Variants in PRKX observed in about 807,000 individuals in gnomAD.
The protein encoded by PRKX is protein kinase cAMP-dependent X-linked catalytic subunit.
In PRKX, 12 loss-of-function variants were observed where a neutral mutation model predicts 22.0. The ratio of observed to expected loss-of-function variants is 0.54; its 90% CI spans 0.35 to 0.88. PRKX has a LOEUF of 0.88. Among genes scored for constraint, PRKX ranks in the 40% least tolerant of loss-of-function variants. The pLI is 0.01. For missense variants in PRKX, 217 were observed against 308.0 expected (o/e 0.70, Z 2.21); for synonymous variants, 134 against 137.7 (o/e 0.97, Z 0.19).
intron 8 of PRKX, among the ~76,000 whole-genome samples, chrX:3,610,408 G>A (rs1926269733): frequency 1.8e-5 from 2 of 111,173 alleles, no homozygotes; most frequent in Middle Eastern, 4.6e-3. Flanking sequence ...CTTGAACCCA[G>A]GAGGCGGAGG....
intron 2 of PRKX, among the ~76,000 whole-genome samples, chrX:3,662,298 C>T (rs367956873): frequency 4.5e-5 from 5 of 111,046 alleles, no homozygotes; most frequent in Admixed American, 1.9e-4. Context: ...CGGTGGCTCA[C>T]GTCTGTAATT....
chrX:3,631,086 T>G lies in PRKX; in HGVS notation c.720-4572A>C, dbSNP rs192153688. ...GGAAATACCTTATAAAACGGAGCTT[T>G]CAAATGACACCCTCATTGATTATCA... On this transcript the variant is annotated intron_variant, in intron 4 of 8. Transcript: ENST00000262848. Among the ~76,000 whole-genome samples, 13 of 112,347 alleles carry G rather than the reference T, an allele frequency of 1.2e-4. No individual in the cohort carries two copies. In the South Asian group the frequency reaches 2.2e-3, roughly 19 times the overall value.
chrX:3,671,259 T>C (rs1332024292), intron 2 of PRKX, among the ~76,000 whole-genome samples: 1 of 110,495 alleles, frequency 9.1e-6, no homozygotes. Context: ...TAGAATTTTC[T>C]TTTTAATTTT....
rs767427348 is a variant in PRKX, at chrX:3,653,679, A to T, written c.599+1470T>A. ...TATAATATACTATGTGATATATATAATATATATAATATACTATGTGATATA... is the reference window on the plus strand; with the variant it reads ...TATAATATACTATGTGATATATATATTATATATAATATACTATGTGATATA... On this transcript the variant is annotated intron_variant, in intron 3 of 8. Transcript: ENST00000262848. Among the ~76,000 whole-genome samples the T allele has an allele frequency of 1.8e-3, 120 of 66,451 alleles. 1 individual carries two copies. Among genetic ancestry groups the T allele is most frequent in the African/African-American group, 6.2e-3 (105 of 16,927 alleles). The allele number at this position is 66,451 out of a possible 115,157, so 57.7% of individuals were successfully genotyped here.
intron 4 of PRKX, among the ~76,000 whole-genome samples, chrX:3,630,308 C>G (rs1391423143): frequency 1.1e-4 from 12 of 107,638 alleles, no homozygotes; most frequent in Admixed American, 6.1e-4. Flanking sequence ...GCCTGTAATC[C>G]CAACACTTTG....
At chrX:3,666,152 ATTTT>A (rs34567097) in intron 2 of PRKX, among the ~76,000 whole-genome samples, 6 of 68,096 alleles carry the variant, frequency 8.8e-5, no homozygotes, top group Admixed American at 1.9e-4. Context: ...TGAACTGTAC[ATTTT>A]TTTTTTTTTT....
intron 4 of PRKX, among the ~76,000 whole-genome samples, chrX:3,628,956 C>T (rs1464355316): frequency 4.5e-5 from 5 of 111,190 alleles, no homozygotes; most frequent in Admixed American, 1.9e-4. Context: ...AGGAGAATTG[C>T]TTGAACCTGA....
chrX:3,659,717 G>GTTTTTGTTTTTTT lies in PRKX; in HGVS notation c.336-4306_336-4305insAAAAAAACAAAAA, dbSNP rs1569053338. On this transcript the variant is annotated intron_variant, in intron 2 of 8. Transcript: ENST00000262848. ...ATTTTGTTGGAGTGGTGTTTTTTTT[G>GTTTTTGTTTTTTT]TTTTTTTTTTTGTTTTTTTTTTTTT... 1.1e-4 allele frequency among the ~76,000 whole-genome samples: 3 copies of GTTTTTGTTTTTTT among 28,037 alleles called. 1 individual carries two copies. The allele number at this position is 28,037 out of a possible 115,157, so 24.3% of individuals were successfully genotyped here.
At position 3,713,379 on chromosome X, in the gene PRKX, G is replaced by A; in HGVS notation, c.-126C>T. ...ACAGAGGCTCCCCATGCGCGCTCTC[G>A]CCTCCTGGTGCGCGGTCCGGCGCGG... On this transcript the variant is annotated 5_prime_UTR_variant, in exon 1 of 9. Coordinates refer to ENST00000262848, the MANE Select transcript of PRKX (RefSeq NM_005044.5). The A allele has an allele frequency of 5.4e-6, 3 of 555,351 alleles. No individual in the cohort carries two copies. The highest frequency in any genetic ancestry group is 1.9e-4 in the South Asian group (2 of 10,399). The allele number at this position is 555,351 out of a possible 1,213,427, so 45.8% of individuals were successfully genotyped here.
rs141012473 is a variant in PRKX at position 3,615,805 on chromosome X, T to C, written c.951+10A>G. 1 of 1,193,739 alleles carries C rather than the reference T, an allele frequency of 8.4e-7. No homozygotes were observed. Among genetic ancestry groups the C allele is most frequent in the South Asian group, 1.8e-5 (1 of 54,636 alleles). ...GGGCATACTGAGTCACCCACTGATA[T>C]GTGTTGTACCTTCAGTTTTCTCTGC... On this transcript the variant is annotated intron_variant, in intron 7 of 8. Transcript: ENST00000262848.
intron 1 of PRKX, among the ~76,000 whole-genome samples, chrX:3,684,580 T>C (rs184525096): frequency 9.0e-6 from 1 of 111,517 alleles, no homozygotes; most frequent in Non-Finnish European, 1.9e-5. Flanking sequence ...CAGACTTCTA[T>C]GTAAATAAAG....
At chrX:3,709,464 G>A (rs1928746354) in intron 1 of PRKX, among the ~76,000 whole-genome samples, 1 of 111,442 alleles carries the variant, frequency 9.0e-6, no homozygotes, top group South Asian at 3.7e-4. Flanking sequence ...CTGTAGATGA[G>A]TAAATGCAGA....
At chrX:3,632,390 C>T (rs1323129206) in intron 4 of PRKX, among the ~76,000 whole-genome samples, 1 of 111,223 alleles carries the variant, frequency 9.0e-6, no homozygotes, top group Non-Finnish European at 1.9e-5. Context: ...TCCTCCCTCA[C>T]CTGCCCGCAG....
At chrX:3,691,938 C>T (rs751384956) in intron 1 of PRKX, among the ~76,000 whole-genome samples, 2 of 109,513 alleles carry the variant, frequency 1.8e-5, no homozygotes, top group South Asian at 8.1e-4. Context: ...AAAGATGATA[C>T]ACTGATTAAT....
chrX:3,669,630 T>G (rs1472733719), intron 2 of PRKX, among the ~76,000 whole-genome samples: 4 of 112,087 alleles, frequency 3.6e-5, no homozygotes, highest in Non-Finnish European at 7.5e-5. Flanking sequence ...TCTGCCTACA[T>G]GCAATCGGTC....
intron 1 of PRKX, among the ~76,000 whole-genome samples, chrX:3,684,953 A>T (rs775980280): frequency 9.0e-6 from 1 of 111,498 alleles, no homozygotes; most frequent in Non-Finnish European, 1.9e-5. Flanking sequence ...AGTAGCTGGG[A>T]TTACAGGCAT....
chrX:3,640,147 T>C (rs1927044479), intron 4 of PRKX, among the ~76,000 whole-genome samples: 1 of 109,449 alleles, frequency 9.1e-6, no homozygotes, highest in Admixed American at 9.9e-5. Flanking sequence ...GATACGCTGG[T>C]GTCTGTCTTT....
At chrX:3,633,096 T>TGTTCCCAGCTACAGCCTCTGCG (rs1926817894) in intron 4 of PRKX, among the ~76,000 whole-genome samples, 1 of 110,201 alleles carries the variant, frequency 9.1e-6, no homozygotes, top group Non-Finnish European at 1.9e-5. Flanking sequence ...TGTGTGCCTG[T>TGTTCCCAGCTACAGCCTCTGCG]GTTCCCAGCT....
intron 4 of PRKX, among the ~76,000 whole-genome samples, chrX:3,639,818 A>G (rs1233487490): frequency 1.8e-5 from 2 of 110,730 alleles, no homozygotes; most frequent in African/African-American, 6.6e-5. Context: ...TTTCTTTATA[A>G]AAGAGGGCAG....
Sources: allele counts gnomAD v4.1 joint callset (sites outside exome capture counted in the v4.1 genomes callset), GRCh38; gene constraint gnomAD v4.1.1; transcripts MANE v1.5; gene names NCBI Gene and HGNC (gene_info 2026-07-23, HGNC 2026-07-21).